MIB1: variants seen among roughly 807,000 people sequenced by gnomAD.
The protein encoded by MIB1 is E3 ubiquitin-protein ligase MIB1.
In MIB1, 278 loss-of-function variants were observed where a neutral mutation model predicts 124.5. The ratio of observed to expected loss-of-function variants is 2.23; its 90% CI spans 2.02 to 2.47. The LOEUF (loss-of-function observed/expected upper bound fraction) is 2.47. Ranked by LOEUF, MIB1 falls within the 30% of genes most tolerant of loss-of-function variation. The pLI is 0.00. For synonymous variants in MIB1, 446 were observed against 429.4 expected, an observed-to-expected ratio of 1.04 and a Z score of -0.48; for missense variants, 957 against 1,254.4, an observed-to-expected ratio of 0.76 and a Z score of 3.58.
intron 10 of MIB1, among the ~76,000 whole-genome samples, chr18:21,815,375 A>G (rs1264678342): frequency 2.0e-5 from 3 of 151,830 alleles, no homozygotes; most frequent in African/African-American, 7.3e-5. Context: ...CCAGATTGGT[A>G]TTGTTGGAAA....
intron 1 of MIB1, chr18:21,712,143 A>G (rs933575939): frequency 6.9e-5 from 11 of 158,682 alleles, no homozygotes; most frequent in African/African-American, 2.4e-4. Context: ...AATCCTGATC[A>G]AGTCTGTACC....
chr18:21,834,210 G>A (rs16947177), intron 12 of MIB1, among the ~76,000 whole-genome samples: 2,539 of 152,296 alleles, frequency 0.017, 65 homozygotes, highest in African/African-American at 0.054. Flanking sequence ...TGACGTGAGA[G>A]TGATGGGACC....
At chr18:21,815,176 A>T (rs1295475827) in intron 10 of MIB1, among the ~76,000 whole-genome samples, 5 of 150,014 alleles carry the variant, frequency 3.3e-5, no homozygotes, top group East Asian at 2.0e-4. Context: ...GTTTTAAAAA[A>T]TTTTTTTATA....
At chr18:21,758,266 C>T (rs550216477) in intron 1 of MIB1, among the ~76,000 whole-genome samples, 1 of 152,148 alleles carries the variant, frequency 6.6e-6, no homozygotes, top group Non-Finnish European at 1.5e-5. Flanking sequence ...ACTTTACCAA[C>T]CAGCTGGCAG....
At chr18:21,825,302 A>G (rs977277155) in intron 12 of MIB1, among the ~76,000 whole-genome samples, 2 of 152,174 alleles carry the variant, frequency 1.3e-5, no homozygotes, top group East Asian at 1.9e-4. Flanking sequence ...ATATGCACAC[A>G]TCCATGTAAA....
In MIB1 at chr18:21,741,543, C is replaced by G; in HGVS notation, c.-41C>G. On this transcript the variant is annotated 5_prime_UTR_variant, in exon 1 of 21. Transcript: ENST00000261537. The surrounding 1 kb of genome is among the most constrained non-coding windows in gnomAD (Gnocchi z 5.4). ...ACGGGCCCCCCGGCGGCAGCGGCGG[C>G]GGCGGCGGCGGCAGCGGCGGAGCCC... 7.7e-7 allele frequency: 1 copy of G among 1,298,574 alleles called. No homozygotes were observed. The highest frequency in any genetic ancestry group is 9.8e-7 in the Non-Finnish European group (1 of 1,020,524). 80.4% of individuals were successfully genotyped at this position (1,298,574 alleles called of 1,614,324 possible). A position where few individuals can be genotyped will look rare whatever the true frequency, so the allele number is the denominator to read the frequency against.
chr18:21,780,126 A>G (rs969982557), intron 6 of MIB1, among the ~76,000 whole-genome samples: 1 of 152,172 alleles, frequency 6.6e-6, no homozygotes, highest in African/African-American at 2.4e-5. Context: ...TTGATACACA[A>G]GAGGTGTACA....
intron 1 of MIB1, among the ~76,000 whole-genome samples, chr18:21,762,473 T>A (rs2041109280): frequency 6.6e-6 from 1 of 152,234 alleles, no homozygotes; most frequent in Non-Finnish European, 1.5e-5. Flanking sequence ...GGAACTACAA[T>A]GTGACATTTT....
chr18:21,835,800 T>C (rs1468769202), intron 12 of MIB1, among the ~76,000 whole-genome samples: 53 of 8,664 alleles, frequency 6.1e-3, no homozygotes, highest in African/African-American at 0.013. Context: ...TATATATATA[T>C]CCACACACAC....
In MIB1 at chr18:21,810,816, G is replaced by A. The variant is rs552139513; in HGVS notation, c.1480-4800G>A. On this transcript the variant is annotated intron_variant, in intron 10 of 20. Transcript: ENST00000261537. ...AAGAGGGCAAAAACCTCACAGCATT[G>A]TATCTGGCAGTGATTCCTTGGATAT... Among the ~76,000 whole-genome samples the A allele has an allele frequency of 3.9e-4, 60 of 152,074 alleles. 1 individual carries two copies. In the Middle Eastern group the frequency reaches 0.017, roughly 43 times the overall value.
At chr18:21,784,207 C>T (rs1400167969) in intron 6 of MIB1, among the ~76,000 whole-genome samples, 1 of 152,058 alleles carries the variant, frequency 6.6e-6, no homozygotes, top group Non-Finnish European at 1.5e-5. Flanking sequence ...TGCCACCACA[C>T]CCAGCTAGTT....
At position 21,773,695 on chromosome 18, in the gene MIB1, TA is replaced by T. The variant is rs1568195413; in HGVS notation, c.605del (p.Lys202ArgfsTer14). 1 of 1,607,582 alleles carries T rather than the reference TA, an allele frequency of 6.2e-7. No individual in the cohort carries two copies. The highest frequency in any genetic ancestry group is 1.3e-5 in the African/African-American group (1 of 74,454). ...AAYVLWDNGAKNLYRVGFEGM... is the reference protein window; with the variant it reads ...AAYVLWDNGAXNLYRVGFEGM... The stretch of plus-strand genomic sequence containing the variant: ...CATATGTCCTCTGGGATAATGGTGC[TA>T]AGAACCTTTACAGAGTTGGCTTTGA... On this transcript the variant is annotated frameshift_variant, in exon 4 of 21. Transcript: ENST00000261537. LOFTEE classifies it high-confidence loss of function.
At chr18:21,841,136 C>A (rs2042085231) in intron 13 of MIB1, among the ~76,000 whole-genome samples, 2 of 152,134 alleles carry the variant, frequency 1.3e-5, no homozygotes, top group South Asian at 2.1e-4. Context: ...GAGGCTGAGA[C>A]GGGTAGATCA....
Position 21,724,725 on chromosome 18 carries a change from AAAATATATATATATATATATATAT to A in MIB1, n.167+19604_167+19627del, listed in dbSNP as rs1421521869. On this transcript the variant is annotated intron_variant and non_coding_transcript_variant, in intron 1 of 20. Coordinates refer to the MIB1 transcript ENST00000578646. ...GTCTCCCCCATCCAAAAAAAAAAAA[AAAATATATATATATATATATATAT>A]ATATATATATATATATATATATATT... Among the ~76,000 whole-genome samples, 33 of 42,836 alleles carry A rather than the reference AAAATATATATATATATATATATAT, an allele frequency of 7.7e-4. 4 individuals are homozygous for A. The highest frequency in any genetic ancestry group is 0.023 in the Middle Eastern group (2 of 88). 28.1% of individuals were successfully genotyped at this position (42,836 alleles called of 152,430 possible).
chr18:21,822,704 A>ATT lies in MIB1; in HGVS notation c.1829+3062_1829+3063dup, dbSNP rs140314224. Reference sequence around the variant, plus strand: ...ATCAAATTTCTTTTTCTTAAGGTTGATTTTTCCCCCCCTATACTGTCCAGT... The same window carrying ATT: ...ATCAAATTTCTTTTTCTTAAGGTTGATTTTTTTCCCCCCCTATACTGTCCAGT... On this transcript the variant is annotated intron_variant, in intron 12 of 20. Transcript: ENST00000261537. 4.9e-4 allele frequency among the ~76,000 whole-genome samples: 74 copies of ATT among 152,146 alleles called. 1 individual carries two copies. Among genetic ancestry groups the ATT allele is most frequent in the Admixed American group, 2.0e-3 (31 of 15,276 alleles).
chr18:21,781,549 G>T (rs2041368516), intron 6 of MIB1, among the ~76,000 whole-genome samples: 1 of 151,304 alleles, frequency 6.6e-6, no homozygotes, highest in Non-Finnish European at 1.5e-5. Context: ...AAGTAGCTGG[G>T]ATTATGGGCA....
chr18:21,783,845 C>T (rs1353253035), intron 6 of MIB1, among the ~76,000 whole-genome samples: 8 of 151,868 alleles, frequency 5.3e-5, no homozygotes. Context: ...CTCCTGGCTT[C>T]AAGCAGTCCT....
intron 15 of MIB1, among the ~76,000 whole-genome samples, chr18:21,846,689 T>C (rs1159900680): frequency 3.9e-5 from 6 of 152,210 alleles, no homozygotes; most frequent in Non-Finnish European, 8.8e-5. Context: ...TCTAGCCATA[T>C]AGGTAAGGTA....
chr18:21,801,865 G>A (rs1281023873), intron 9 of MIB1, among the ~76,000 whole-genome samples: 1 of 152,110 alleles, frequency 6.6e-6, no homozygotes, highest in East Asian at 1.9e-4. Flanking sequence ...CCCACTTGGA[G>A]TGTCTTCTCA....
Sources: allele counts gnomAD v4.1 joint callset (sites outside exome capture counted in the v4.1 genomes callset), GRCh38; gene constraint gnomAD v4.1.1; non-coding constraint Gnocchi (gnomAD v3.1); transcripts MANE v1.5; gene names NCBI Gene and HGNC (gene_info 2026-07-23, HGNC 2026-07-21).